Variants in BCL2 observed in about 807,000 individuals in gnomAD.
BCL2 encodes apoptosis regulator Bcl-2.
BCL2 carries 1 observed loss-of-function variant against 14.2 expected under a neutral mutation model. That is an observed-to-expected ratio of 0.07 (90% CI 0.02 to 0.33). The LOEUF is 0.33. Ranked by LOEUF, BCL2 falls within the 10% of genes least tolerant of loss-of-function variation. The pLI is 0.99. For synonymous variants in BCL2, 151 were observed against 137.2 expected (o/e 1.10, Z -0.70); for missense variants, 247 against 305.9 (o/e 0.81, Z 1.44).
intron 2 of BCL2, among the ~76,000 whole-genome samples, chr18:63,218,705 A>C (rs371293480): frequency 8.7e-4 from 1 of 1,148 alleles, no homozygotes; most frequent in Non-Finnish European, 1.9e-3. Context: ...TTCTCCACTC[A>C]TCCCCATCCT....
Position 63,281,666 on chromosome 18 carries a change from C to CAGAAAGAAAGAAAGAAAGAAAGAA in BCL2, c.585+36392_585+36415dup, listed in dbSNP as rs11271898. Among the ~76,000 whole-genome samples the CAGAAAGAAAGAAAGAAAGAAAGAA allele has an allele frequency of 6.1e-4, 54 of 88,346 alleles. 1 individual carries two copies. The highest frequency in any genetic ancestry group is 1.9e-3 in the Admixed American group (15 of 7,854). The allele number at this position is 88,346 out of a possible 152,430, so 58.0% of individuals were successfully genotyped here. The stretch of plus-strand genomic sequence containing the variant: ...TGAGTGACAAATTGAGACCTTGTCT[C>CAGAAAGAAAGAAAGAAAGAAAGAA]AGAAAGAAAGAAAGAAAGAAAGAAA... On this transcript the variant is annotated intron_variant, in intron 2 of 2. Transcript: ENST00000333681.
At chr18:63,154,636 C>G (rs927331078) in intron 2 of BCL2, among the ~76,000 whole-genome samples, 1 of 152,190 alleles carries the variant, frequency 6.6e-6, no homozygotes, top group Non-Finnish European at 1.5e-5. Flanking sequence ...TCTCCACACT[C>G]AGCTCAAATA....
intron 2 of BCL2, among the ~76,000 whole-genome samples, chr18:63,308,507 C>T (rs895675092): frequency 8.5e-5 from 13 of 152,176 alleles, no homozygotes; most frequent in Non-Finnish European, 1.8e-4. Context: ...TATGTACATA[C>T]ACTGTGTGTC....
At chr18:63,133,605 C>G (rs778090507) in intron 2 of BCL2, among the ~76,000 whole-genome samples, 1 of 152,006 alleles carries the variant, frequency 6.6e-6, no homozygotes, top group Admixed American at 6.6e-5. Flanking sequence ...AGAAATTTCA[C>G]GTAAACCTAA....
chr18:63,192,047 G>C (rs1909303773), intron 2 of BCL2, among the ~76,000 whole-genome samples: 1 of 152,198 alleles, frequency 6.6e-6, no homozygotes, highest in Non-Finnish European at 1.5e-5. Context: ...TGGGAGCACT[G>C]TCGGGACTAT....
chr18:63,137,046 C>A (rs1914226159), intron 2 of BCL2, among the ~76,000 whole-genome samples: 2 of 152,208 alleles, frequency 1.3e-5, no homozygotes, highest in African/African-American at 4.8e-5. Context: ...GAGTCTTGTG[C>A]TTTGCCTGTA....
chr18:63,314,022 ATT>A (rs1913417722), intron 2 of BCL2: 1 of 152,164 alleles, frequency 6.6e-6, no homozygotes, highest in African/African-American at 2.4e-5. Context: ...AGAAAAGAGA[ATT>A]CAGTTAACTA....
At chr18:63,288,917 C>T (rs1408660113) in intron 2 of BCL2, among the ~76,000 whole-genome samples, 2 of 152,118 alleles carry the variant, frequency 1.3e-5, no homozygotes, top group Non-Finnish European at 2.9e-5. Context: ...TCTTGTTTTG[C>T]TTGCTGATAA....
intron 2 of BCL2, among the ~76,000 whole-genome samples, chr18:63,160,837 G>T (rs1363153870): frequency 6.6e-6 from 1 of 152,084 alleles, no homozygotes; most frequent in Admixed American, 6.5e-5. Context: ...TGCTCCAGGG[G>T]TCCTAAACTG....
chr18:63,167,393 T>G (rs1915070525), intron 2 of BCL2, among the ~76,000 whole-genome samples: 1 of 152,224 alleles, frequency 6.6e-6, no homozygotes, highest in African/African-American at 2.4e-5. Context: ...CTCTTCTTGC[T>G]ATAGGAAAAG....
rs184494055 is a variant in BCL2, at chr18:63,256,749, C to T, written c.585+61333G>A. Among the ~76,000 whole-genome samples, 14 of 152,286 alleles carry T rather than the reference C, an allele frequency of 9.2e-5. 1 individual carries two copies. The highest frequency in any genetic ancestry group is 8.5e-4 in the Admixed American group (13 of 15,306). ...ACAAAATAGGGCGATCCAACTCTCCCACTTCACACAAAGCCTGCCCCCTTC... is the reference window on the plus strand; with the variant it reads ...ACAAAATAGGGCGATCCAACTCTCCTACTTCACACAAAGCCTGCCCCCTTC... On this transcript the variant is annotated intron_variant, in intron 2 of 2. Coordinates refer to ENST00000333681, the MANE Select transcript of BCL2 (RefSeq NM_000633.3).
At chr18:63,129,435 T>C (rs1281038990) in intron 2 of BCL2, among the ~76,000 whole-genome samples, 2 of 151,962 alleles carry the variant, frequency 1.3e-5, no homozygotes, top group African/African-American at 2.4e-5. Flanking sequence ...AGGATTACCA[T>C]GCTTGGCTAA....
intron 2 of BCL2, among the ~76,000 whole-genome samples, chr18:63,255,032 C>A (rs1445289355): frequency 6.6e-6 from 1 of 152,176 alleles, no homozygotes; most frequent in Non-Finnish European, 1.5e-5. Flanking sequence ...ATAGACCTGG[C>A]AAGTGTACGG....
intron 2 of BCL2, among the ~76,000 whole-genome samples, chr18:63,143,867 C>A (rs1914435280): frequency 6.6e-6 from 1 of 152,230 alleles, no homozygotes; most frequent in Non-Finnish European, 1.5e-5. Flanking sequence ...TTGCACACAG[C>A]ATTGTGCAGA....
intron 2 of BCL2, among the ~76,000 whole-genome samples, chr18:63,255,713 A>G (rs1911453871): frequency 6.6e-6 from 1 of 152,144 alleles, no homozygotes; most frequent in Non-Finnish European, 1.5e-5. Flanking sequence ...GACAATATCT[A>G]AATGCCTCTC....
chr18:63,180,156 C>T (rs966597263), intron 2 of BCL2, among the ~76,000 whole-genome samples: 5 of 152,232 alleles, frequency 3.3e-5, no homozygotes, highest in Admixed American at 2.0e-4. Context: ...CCTTCCAAAC[C>T]CACTACACAT....
chr18:63,255,881 T>A (rs1359239941), intron 2 of BCL2, among the ~76,000 whole-genome samples: 1 of 151,062 alleles, frequency 6.6e-6, no homozygotes, highest in Admixed American at 6.6e-5. Flanking sequence ...AAGTAAGAAA[T>A]TAATTTTCTT....
chr18:63,172,922 C>A (rs2144632955), intron 2 of BCL2, among the ~76,000 whole-genome samples: 1 of 152,336 alleles, frequency 6.6e-6, no homozygotes, highest in East Asian at 1.9e-4. Context: ...ATTCATTCCT[C>A]CTTTAGGTCA....
chr18:63,290,116 T>G (rs1296359755), intron 2 of BCL2, among the ~76,000 whole-genome samples: 1 of 152,014 alleles, frequency 6.6e-6, no homozygotes, highest in Non-Finnish European at 1.5e-5. Flanking sequence ...TGAGCCTGGG[T>G]GATCGGAATA....
Sources: gnomAD v4.1 joint callset for allele counts (sites outside exome capture counted in the v4.1 genomes callset) on GRCh38, gnomAD v4.1.1 for gene constraint, MANE v1.5 for transcripts, NCBI Gene and HGNC (gene_info 2026-07-23, HGNC 2026-07-21) for gene names.